PELI2: variants seen among roughly 807,000 people sequenced by gnomAD.
PELI2 encodes pellino E3 ubiquitin protein ligase family member 2, also known as E3 ubiquitin-protein ligase pellino homolog 2.
A neutral mutation model predicts 42.3 loss-of-function variants in PELI2; 23 were observed. The ratio of observed to expected loss-of-function variants is 0.54; its 90% CI spans 0.39 to 0.77. The LOEUF (loss-of-function observed/expected upper bound fraction) is 0.77, where lower values mean the gene tolerates loss of function less well. PELI2 is among the 30% of genes least tolerant of loss of function. PELI2 has a pLI of 0.00. For synonymous variants in PELI2, 245 were observed against 212.2 expected (o/e 1.15, Z -1.34); for missense variants, 463 against 553.2 (o/e 0.84, Z 1.64).
rs111562349 is a variant in PELI2, at chr14:56,271,706, C to T, written c.208-7970C>T. Among the ~76,000 whole-genome samples the T allele has an allele frequency of 1.6e-3, 243 of 152,332 alleles. 5 individuals carry two copies. The highest frequency in any genetic ancestry group is 1.4e-3 in the Non-Finnish European group (95 of 68,032). ...CTGTTGAGAACACAAGCGTACATTA[C>T]GTTTCTTGGTAGAACCTAGAAGACA... On this transcript the variant is annotated intron_variant, in intron 2 of 5. Coordinates refer to ENST00000267460, the MANE Select transcript of PELI2 (RefSeq NM_021255.3).
At chr14:56,170,244 A>G (rs912651846) in intron 1 of PELI2, among the ~76,000 whole-genome samples, 2 of 151,992 alleles carry the variant, frequency 1.3e-5, no homozygotes, top group East Asian at 1.9e-4. Flanking sequence ...TGCTGATGCA[A>G]CCTCCACTTC....
chr14:56,210,710 G>A (rs977130758), intron 2 of PELI2, among the ~76,000 whole-genome samples: 1 of 152,104 alleles, frequency 6.6e-6, no homozygotes, highest in African/African-American at 2.4e-5. Context: ...GTTCCATTTG[G>A]CCACCACATG....
At chr14:56,258,148 A>G (rs567332930) in intron 2 of PELI2, among the ~76,000 whole-genome samples, 28 of 152,330 alleles carry the variant, frequency 1.8e-4, no homozygotes, top group African/African-American at 6.5e-4. Context: ...CACCTTAGTA[A>G]TGAGGATAAA....
chr14:56,296,358 G>A (rs1215470324), intron 5 of PELI2, among the ~76,000 whole-genome samples: 1 of 152,196 alleles, frequency 6.6e-6, no homozygotes, highest in Non-Finnish European at 1.5e-5. Flanking sequence ...AACATGTAAA[G>A]CTAGGTATAC....
intron 3 of PELI2, among the ~76,000 whole-genome samples, chr14:56,284,997 A>G (rs1358218296): frequency 1.3e-5 from 2 of 152,238 alleles, no homozygotes; most frequent in Non-Finnish European, 2.9e-5. Context: ...TAGGACCTTC[A>G]GGCCAGGTTG....
rs565904028 is a variant in PELI2, at chr14:56,287,340, A to G, written c.310-1097A>G. ...GTTAAATATTTTGCAATAAGTCTTC[A>G]TTACTTTTCTAATTTTCTTGTTAAA... is the stretch of plus-strand genomic sequence containing the variant. On this transcript the variant is annotated intron_variant, in intron 3 of 5. Coordinates refer to ENST00000267460, the MANE Select transcript of PELI2 (RefSeq NM_021255.3). Among the ~76,000 whole-genome samples the G allele has an allele frequency of 3.5e-4, 54 of 152,336 alleles. No homozygotes were observed. The South Asian group carries it at 9.3e-3, about 26-fold the overall frequency.
chr14:56,173,614 CAGGGCCCTGCTGCCCCTGAAGGCTCTT>C (rs1323011237), intron 1 of PELI2, among the ~76,000 whole-genome samples: 1 of 152,118 alleles, frequency 6.6e-6, no homozygotes, highest in African/African-American at 2.4e-5. Flanking sequence ...AAGGTGTCGG[CAGGGCCCTGCTGCCCCTGAAGGCTCTT>C]AAGGGGAGAA....
chr14:56,212,209 A>G (rs1450138095), intron 2 of PELI2, among the ~76,000 whole-genome samples: 1 of 152,250 alleles, frequency 6.6e-6, no homozygotes, highest in Admixed American at 6.5e-5. Flanking sequence ...TCTGAAGTCT[A>G]CAAAACAATC....
intron 2 of PELI2, among the ~76,000 whole-genome samples, chr14:56,229,814 G>A (rs192921720): frequency 9.9e-5 from 15 of 152,268 alleles, no homozygotes; most frequent in Admixed American, 2.0e-4. Context: ...GCTAAAGGAC[G>A]ATGTTCAAAC....
chr14:56,276,916 T>G (rs1889311883), intron 2 of PELI2, among the ~76,000 whole-genome samples: 1 of 152,230 alleles, frequency 6.6e-6, no homozygotes, highest in Non-Finnish European at 1.5e-5. Flanking sequence ...CTTTCCATTT[T>G]GGGGGCTTGG....
At chr14:56,269,794 A>G (rs1889034095) in intron 2 of PELI2, among the ~76,000 whole-genome samples, 1 of 152,196 alleles carries the variant, frequency 6.6e-6, no homozygotes, top group Admixed American at 6.5e-5. Flanking sequence ...TCTTACCCTC[A>G]AGGAGCTTTT....
At chr14:56,124,765 T>G (rs1883189762) in intron 1 of PELI2, among the ~76,000 whole-genome samples, 1 of 152,056 alleles carries the variant, frequency 6.6e-6, no homozygotes, top group Non-Finnish European at 1.5e-5. Flanking sequence ...ATGACCACGA[T>G]GGAGATAAGA....
At chr14:56,126,770 C>A (rs570885033) in intron 1 of PELI2, among the ~76,000 whole-genome samples, 49 of 152,148 alleles carry the variant, frequency 3.2e-4, no homozygotes, top group South Asian at 1.0e-3. Context: ...GGGGAAAGGC[C>A]CTTCCTGCGG....
At chr14:56,247,162 T>C (rs771727940) in intron 2 of PELI2, among the ~76,000 whole-genome samples, 1 of 152,218 alleles carries the variant, frequency 6.6e-6, no homozygotes, top group Non-Finnish European at 1.5e-5. Flanking sequence ...ACATACATAA[T>C]GTGTGTATGA....
At chr14:56,272,600 C>T (rs1022865663) in intron 2 of PELI2, among the ~76,000 whole-genome samples, 18 of 152,230 alleles carry the variant, frequency 1.2e-4, no homozygotes, top group African/African-American at 4.3e-4. Flanking sequence ...CCATGTGACA[C>T]ACTTGGTGGC....
chr14:56,175,411 T>C (rs2139662837), intron 1 of PELI2, among the ~76,000 whole-genome samples: 1 of 152,360 alleles, frequency 6.6e-6, no homozygotes, highest in South Asian at 2.1e-4. Context: ...TATTTGTTAT[T>C]GTGCCTTTCT....
rs574033658 is a variant in PELI2, at chr14:56,119,388, TGCTCTGGAGG to T, written c.77+653_77+662del. Among the ~76,000 whole-genome samples the T allele has an allele frequency of 6.0e-3, 902 of 151,116 alleles. 7 individuals are homozygous for T. The highest frequency in any genetic ancestry group is 0.021 in the African/African-American group (856 of 41,132). On this transcript the variant is annotated intron_variant, in intron 1 of 5. Transcript: ENST00000267460. ...GCCCTCCGCTTCTCCCCGCTTGGAGTGCTCTGGAGGGGAGGGACAGGATGCGGCTGCTCGG... is the reference window on the plus strand; with the variant it reads ...GCCCTCCGCTTCTCCCCGCTTGGAGTGGAGGGACAGGATGCGGCTGCTCGG...
chr14:56,287,486 A>G (rs1463415237), intron 3 of PELI2, among the ~76,000 whole-genome samples: 1 of 152,224 alleles, frequency 6.6e-6, no homozygotes, highest in African/African-American at 2.4e-5. Context: ...ATGATTTTAT[A>G]ATACATCTAA....
intron 2 of PELI2, among the ~76,000 whole-genome samples, chr14:56,185,883 T>G (rs748031883): frequency 6.6e-6 from 1 of 152,226 alleles, no homozygotes; most frequent in Non-Finnish European, 1.5e-5. Context: ...TGTCTCTTTT[T>G]TCCTGCATGT....
Sources: allele counts gnomAD v4.1 joint callset (sites outside exome capture counted in the v4.1 genomes callset), GRCh38; gene constraint gnomAD v4.1.1; transcripts MANE v1.5; gene names NCBI Gene and HGNC (gene_info 2026-07-23, HGNC 2026-07-21).